BRIP1: variants seen among roughly 807,000 people sequenced by gnomAD.
BRIP1 encodes Fanconi anemia group J protein.
BRIP1 carries 88 observed loss-of-function variants against 119.7 expected under a neutral mutation model. That is an observed-to-expected ratio of 0.74 (90% CI 0.62 to 0.88). The LOEUF (loss-of-function observed/expected upper bound fraction) is 0.88. BRIP1 is among the 40% of genes least tolerant of loss of function. The pLI, the probability that BRIP1 is intolerant of heterozygous loss-of-function variation, is 0.00. For synonymous variants in BRIP1, 443 were observed against 496.5 expected (o/e 0.89, Z 1.43); for missense variants, 1,259 against 1,455.4 (o/e 0.87, Z 2.20).
Position 61,816,694 on chromosome 17 carries a change from G to A in BRIP1, c.628-7937C>T, listed in dbSNP as rs972822677. ...TGTGATTATAGCAATGAGTCTCAAA[G>A]CAGTGATGAGTCACACCGATCAACT... On this transcript the variant is annotated intron_variant, in intron 6 of 19. Coordinates refer to ENST00000259008, the MANE Select transcript of BRIP1 (RefSeq NM_032043.3). The surrounding 1 kb of genome is among the most constrained non-coding windows in gnomAD (Gnocchi z 5.0). Among the ~76,000 whole-genome samples the A allele has an allele frequency of 2.0e-5, 3 of 152,230 alleles. No individual in the cohort carries two copies. Among genetic ancestry groups the A allele is most frequent in the South Asian group, 2.1e-4 (1 of 4,824 alleles).
In BRIP1 at chr17:61,796,408, A is replaced by C. The variant is rs1603341316; in HGVS notation, c.1341-2679T>G. ...TTGAGGTTGTAGATTTAAGTCTTTA[A>C]TCTATTTTGATTTGATTTTTGTTAA... On this transcript the variant is annotated intron_variant, in intron 9 of 19. Coordinates refer to ENST00000259008, the MANE Select transcript of BRIP1 (RefSeq NM_032043.3). The surrounding 1 kb of genome is among the most constrained non-coding windows in gnomAD (Gnocchi z 4.8). Among the ~76,000 whole-genome samples, 1 of 152,010 alleles carries C rather than the reference A, an allele frequency of 6.6e-6. No homozygotes were observed. The highest frequency in any genetic ancestry group is 2.4e-5 in the African/African-American group (1 of 41,414).
At position 61,679,314 on chromosome 17, in the gene BRIP1, T is replaced by C. The variant is rs1407287234; in HGVS notation, c.*3982A>G. On this transcript the variant is annotated 3_prime_UTR_variant, in exon 20 of 20. Transcript: ENST00000259008. The surrounding 1 kb of genome is among the most constrained non-coding windows in gnomAD (Gnocchi z 4.4). ...TAAACCCATGTAATAACTAAGTGCA[T>C]AGAAACATAGTAATAGTTTTATAAC... Among the ~76,000 whole-genome samples the C allele has an allele frequency of 1.3e-5, 2 of 152,188 alleles. No individual in the cohort carries two copies. Among genetic ancestry groups the C allele is most frequent in the Non-Finnish European group, 2.9e-5 (2 of 68,006 alleles).
At chr17:61,765,315 T>A (rs1169015351) in intron 14 of BRIP1, among the ~76,000 whole-genome samples, 2 of 131,304 alleles carry the variant, frequency 1.5e-5, no homozygotes, top group Non-Finnish European at 3.2e-5. Flanking sequence ...TACATATACA[T>A]ACATAAACAC....
In BRIP1 at chr17:61,686,282, C is replaced by T. The variant is rs1278114544; in HGVS notation, c.2576-117G>A. 1 of 931,522 alleles carries T rather than the reference C, an allele frequency of 1.1e-6. No individual in the cohort carries two copies. The highest frequency in any genetic ancestry group is 1.7e-5 in the African/African-American group (1 of 60,600). 57.7% of individuals were successfully genotyped at this position (931,522 alleles called of 1,614,324 possible). On this transcript the variant is annotated intron_variant, in intron 18 of 19. Transcript: ENST00000259008. This position sits in a 1 kb window ranked among gnomAD's most constrained non-coding sequence, Gnocchi z 5.4. ...TAACCTAATTTGTATTTTGAATATA[C>T]AGAATGGTTCTCCATATGTTTTTTC...
intron 17 of BRIP1, among the ~76,000 whole-genome samples, chr17:61,697,285 C>T (rs1193518281): frequency 2.6e-5 from 3 of 116,888 alleles, no homozygotes; most frequent in East Asian, 2.9e-4. Context: ...TGCAGTGAGC[C>T]GAGATCATGC....
At chr17:61,733,271 C>A (rs1016999410) in intron 16 of BRIP1, among the ~76,000 whole-genome samples, 1 of 152,158 alleles carries the variant, frequency 6.6e-6, no homozygotes, top group African/African-American at 2.4e-5. Context: ...AGTCTGTAAT[C>A]CCAGCTGCTC....
At chr17:61,847,776 C>A (rs1489115405) in intron 5 of BRIP1, among the ~76,000 whole-genome samples, 1 of 152,088 alleles carries the variant, frequency 6.6e-6, no homozygotes, top group Non-Finnish European at 1.5e-5. Context: ...AAACTGTATC[C>A]ATGCTTTTCC....
Position 61,734,755 on chromosome 17 carries a change from T to A in BRIP1, c.2379+8258A>T, listed in dbSNP as rs955929433. ...AAACCCTGCTATTGAGACTGCAAAG[T>A]CTTATGTTAGTATTTTAAACTGTAT... On this transcript the variant is annotated intron_variant, in intron 16 of 19. Coordinates refer to ENST00000259008, the MANE Select transcript of BRIP1 (RefSeq NM_032043.3). This position sits in a 1 kb window ranked among gnomAD's most constrained non-coding sequence, Gnocchi z 5.2. 3.9e-5 allele frequency among the ~76,000 whole-genome samples: 6 copies of A among 152,228 alleles called. No homozygotes were observed. Among genetic ancestry groups the A allele is most frequent in the Admixed American group, 1.3e-4 (2 of 15,288 alleles).
Position 61,803,538 on chromosome 17 carries a change from C to CA in BRIP1, c.919-2065dup, listed in dbSNP as rs969774907. Among the ~76,000 whole-genome samples, 9 of 151,222 alleles carry CA rather than the reference C, an allele frequency of 6.0e-5. No individual in the cohort carries two copies. Among genetic ancestry groups the CA allele is most frequent in the African/African-American group, 1.9e-4 (8 of 41,166 alleles). On this transcript the variant is annotated intron_variant, in intron 7 of 19. Transcript: ENST00000259008. The surrounding 1 kb of genome is among the most constrained non-coding windows in gnomAD (Gnocchi z 4.3). Reference sequence around the variant, plus strand: ...GCAGCACAGGGAGACTCAATCTCTACAAAAAAACAAAAAAAATTAAACCGC... The same window carrying CA: ...GCAGCACAGGGAGACTCAATCTCTACAAAAAAAACAAAAAAAATTAAACCGC...
chr17:61,846,991 G>T lies in BRIP1; in HGVS notation c.627+110C>A. 1.5e-6 allele frequency: 2 copies of T among 1,327,694 alleles called. No homozygotes were observed. The highest frequency in any genetic ancestry group is 2.1e-6 in the Non-Finnish European group (2 of 940,476). 82.2% of individuals were successfully genotyped at this position (1,327,694 alleles called of 1,614,324 possible). A position where few individuals can be genotyped will look rare whatever the true frequency, so the allele number is the denominator to read the frequency against. On this transcript the variant is annotated intron_variant, in intron 6 of 19. Transcript: ENST00000259008. This position sits in a 1 kb window ranked among gnomAD's most constrained non-coding sequence, Gnocchi z 4.3. ...GTGACAGCATTGAGGACTTCTGAGT[G>T]GGTTGCTACTGTCCTTTGTATTATA... is the stretch of plus-strand genomic sequence containing the variant.
At chr17:61,719,271 T>C (rs1406016166) in intron 16 of BRIP1, among the ~76,000 whole-genome samples, 3 of 151,030 alleles carry the variant, frequency 2.0e-5, no homozygotes, top group Admixed American at 6.6e-5. Flanking sequence ...AAAGAAAATG[T>C]GGTATATATA....
intron 16 of BRIP1, among the ~76,000 whole-genome samples, chr17:61,727,391 A>G (rs1354957089): frequency 6.6e-6 from 1 of 152,216 alleles, no homozygotes; most frequent in Non-Finnish European, 1.5e-5. Flanking sequence ...TGCTGAAAAT[A>G]CACTTAAAAC....
Position 61,733,887 on chromosome 17 carries a change from A to G in BRIP1, c.2379+9126T>C, listed in dbSNP as rs142986586. On this transcript the variant is annotated intron_variant, in intron 16 of 19. Transcript: ENST00000259008. The stretch of plus-strand genomic sequence containing the variant: ...TTGTAAGGGCACTTCTGACAATGAA[A>G]AGTACCATCAAATTTTATTAAACCA... Among the ~76,000 whole-genome samples, 738 of 152,302 alleles carry G rather than the reference A, an allele frequency of 4.8e-3. 3 individuals carry two copies. Among genetic ancestry groups the G allele is most frequent in the Middle Eastern group, 0.014 (4 of 294 alleles).
intron 10 of BRIP1, among the ~76,000 whole-genome samples, chr17:61,791,463 T>TG (rs908515931): frequency 2.8e-5 from 3 of 107,446 alleles, no homozygotes; most frequent in Non-Finnish European, 5.0e-5. Flanking sequence ...CCCTCCAGCC[T>TG]GGGCAACAGA....
At chr17:61,850,955 C>T (rs1167647898) in intron 4 of BRIP1, among the ~76,000 whole-genome samples, 1 of 152,052 alleles carries the variant, frequency 6.6e-6, no homozygotes, top group East Asian at 1.9e-4. Context: ...CAGCTGGGCA[C>T]GGTGGCTCAC....
chr17:61,818,812 T>A (rs2078276411), intron 6 of BRIP1, among the ~76,000 whole-genome samples: 1 of 152,108 alleles, frequency 6.6e-6, no homozygotes, highest in Non-Finnish European at 1.5e-5. Flanking sequence ...AACAGACATA[T>A]GAAAAGGTGC....
chr17:61,858,065 C>A (rs969178478), intron 3 of BRIP1, among the ~76,000 whole-genome samples: 12 of 152,002 alleles, frequency 7.9e-5, no homozygotes, highest in Non-Finnish European at 1.6e-4. Flanking sequence ...ATTTTAAGGT[C>A]AATATTCAAA....
Position 61,742,582 on chromosome 17 carries a change from T to C in BRIP1, c.2379+431A>G, listed in dbSNP as rs540135838. Among the ~76,000 whole-genome samples the C allele has an allele frequency of 1.3e-5, 2 of 152,242 alleles. No homozygotes were observed. The highest frequency in any genetic ancestry group is 3.9e-4 in the East Asian group (2 of 5,182). ...TTAACTGGCCTAATTTCAGTATTGT[T>C]GTGTCTCAGGGAATGGAGAGTCCCA... On this transcript the variant is annotated intron_variant, in intron 16 of 19. Transcript: ENST00000259008. The surrounding 1 kb of genome is among the most constrained non-coding windows in gnomAD (Gnocchi z 4.7).
intron 14 of BRIP1, among the ~76,000 whole-genome samples, chr17:61,750,396 C>T (rs147736217): frequency 6.6e-6 from 1 of 151,906 alleles, no homozygotes; most frequent in East Asian, 1.9e-4. Flanking sequence ...ACTGTAAGAG[C>T]TAAAAAATAT....
Sources: allele counts gnomAD v4.1 joint callset (sites outside exome capture counted in the v4.1 genomes callset), GRCh38; gene constraint gnomAD v4.1.1; non-coding constraint Gnocchi (gnomAD v3.1); transcripts MANE v1.5; gene names NCBI Gene and HGNC (gene_info 2026-07-23, HGNC 2026-07-21).